ESR2: variants seen among roughly 807,000 people sequenced by gnomAD.
ESR2 encodes the protein estrogen receptor 2.
Under a neutral mutation model 49.6 loss-of-function variants are expected in ESR2, and 36 were observed. The ratio of observed to expected loss-of-function variants is 0.73; its 90% CI spans 0.56 to 0.96. The LOEUF (loss-of-function observed/expected upper bound fraction) is 0.96. Among genes scored for constraint, ESR2 ranks in the 40% least tolerant of loss-of-function variants. The probability of loss-of-function intolerance (pLI) is 0.00; values close to 1 mark genes in which losing one functional copy is unlikely to be tolerated. For missense variants in ESR2, 714 were observed against 693.0 expected (o/e 1.03, Z -0.34); for synonymous variants, 320 against 266.1 (o/e 1.20, Z -1.97).
intron 1 of ESR2, chr14:64,335,921 CA>C (rs1224138307): frequency 6.6e-6 from 1 of 151,218 alleles, no homozygotes; most frequent in Admixed American, 6.7e-5. Context: ...TCTCCTGCCT[CA>C]GCCTTCCAAG....
chr14:64,242,556 C>A (rs558825982), intron 7 of ESR2, among the ~76,000 whole-genome samples: 2 of 150,808 alleles, frequency 1.3e-5, no homozygotes, highest in South Asian at 4.2e-4. Context: ...CCCAAAAATT[C>A]TGCTTGTTCA....
At chr14:64,328,066 A>AG (rs2077411267) in intron 1 of ESR2, among the ~76,000 whole-genome samples, 2 of 150,350 alleles carry the variant, frequency 1.3e-5, no homozygotes, top group Non-Finnish European at 3.0e-5. Flanking sequence ...AAAAAAAAAA[A>AG]AAAAAATTAG....
rs1377906896 is a variant in ESR2, at chr14:64,228,510, C to T, written c.*4627G>A. 6.6e-6 allele frequency among the ~76,000 whole-genome samples: 1 copy of T among 152,082 alleles called. No individual in the cohort carries two copies. Among genetic ancestry groups the T allele is most frequent in the Non-Finnish European group, 1.5e-5 (1 of 68,024 alleles). ...CAAATGTAAAGCCTGCAAATGAAGT[C>T]AACAAATTAGTGTAATGATACAAAG... On this transcript the variant is annotated 3_prime_UTR_variant, in exon 9 of 9. Transcript: ENST00000341099.
At chr14:64,241,056 G>A (rs1037816919) in intron 7 of ESR2, among the ~76,000 whole-genome samples, 4 of 149,374 alleles carry the variant, frequency 2.7e-5, no homozygotes, top group African/African-American at 4.9e-5. Context: ...TGAGGCAGGA[G>A]AATGGCGTGA....
intron 1 of ESR2, among the ~76,000 whole-genome samples, chr14:64,285,826 CAAA>C (rs10559131): frequency 5.0e-4 from 50 of 100,790 alleles, no homozygotes; most frequent in Admixed American, 9.5e-4. Context: ...GACTCTGTCT[CAAA>C]AAAAAAAAAA....
intron 7 of ESR2, among the ~76,000 whole-genome samples, chr14:64,248,442 G>A (rs1368972460): frequency 7.0e-6 from 1 of 143,486 alleles, no homozygotes; most frequent in East Asian, 2.1e-4. Context: ...TCAGTACTAG[G>A]TTACAGTGAG....
chr14:64,230,067 C>T lies in ESR2; in HGVS notation c.*3070G>A, dbSNP rs115952301. On this transcript the variant is annotated 3_prime_UTR_variant, in exon 9 of 9. Coordinates refer to ENST00000341099, the MANE Select transcript of ESR2 (RefSeq NM_001437.3). Reference sequence around the variant, plus strand: ...GGTGGTGTGCACCCCAGCTACTCGGCGAGGGCGGGAATGGGGTGGGATGGG... The same window carrying T: ...GGTGGTGTGCACCCCAGCTACTCGGTGAGGGCGGGAATGGGGTGGGATGGG... Among the ~76,000 whole-genome samples the T allele has an allele frequency of 0.024, 3,636 of 151,032 alleles. 114 individuals are homozygous for T. Among genetic ancestry groups the T allele is most frequent in the East Asian group, 0.095 (480 of 5,054 alleles).
chr14:64,248,065 G>C (rs928350042), intron 7 of ESR2, among the ~76,000 whole-genome samples: 1 of 152,136 alleles, frequency 6.6e-6, no homozygotes, highest in African/African-American at 2.4e-5. Flanking sequence ...GTGGTGGCAG[G>C]TGCTTGTGGT....
At chr14:64,296,283 C>G (rs1567786898), upstream of ESR2, among the ~76,000 whole-genome samples, 1 of 152,202 alleles carries the variant, frequency 6.6e-6, no homozygotes, top group African/African-American at 2.4e-5. Flanking sequence ...ATTGACTCCA[C>G]TTTTCCAGTG....
At chr14:64,329,069 AAGAAATTTG>A (rs2077423250) in intron 1 of ESR2, among the ~76,000 whole-genome samples, 1 of 152,236 alleles carries the variant, frequency 6.6e-6, no homozygotes, top group African/African-American at 2.4e-5. Flanking sequence ...GAAGTAAATA[AAGAAATTTG>A]AGAAATTTGA....
At chr14:64,257,202 G>A (rs765433696) in intron 6 of ESR2, 24 bp downstream of exon 6, 1 of 1,610,770 alleles carries the variant, frequency 6.2e-7, no homozygotes, top group East Asian at 2.2e-5. Flanking sequence ...AGTCAGAGAA[G>A]AAACACAATG....
intron 1 of ESR2, among the ~76,000 whole-genome samples, chr14:64,310,118 C>T (rs1295661810): frequency 6.7e-6 from 1 of 150,202 alleles, no homozygotes; most frequent in Non-Finnish European, 1.5e-5. Context: ...ACTAAAAATA[C>T]AAAACTTAGC....
At chr14:64,237,974 C>G (rs766484365) in intron 7 of ESR2, among the ~76,000 whole-genome samples, 1 of 151,978 alleles carries the variant, frequency 6.6e-6, no homozygotes, top group Non-Finnish European at 1.5e-5. Flanking sequence ...GCACCACATA[C>G]CGTGAATAAA....
At position 64,313,926 on chromosome 14, in the gene ESR2, C is replaced by A. The variant is rs79390726; in HGVS notation, c.-91+23972G>T. Among the ~76,000 whole-genome samples the A allele has an allele frequency of 8.1e-3, 1,220 of 151,376 alleles. 23 individuals are homozygous for A. Among genetic ancestry groups the A allele is most frequent in the African/African-American group, 0.028 (1,164 of 41,252 alleles). ...GAAAGAAAGAAGAAAGAGAAAAATC[C>A]ACTATTGTTGGAGGATTCAGCTCCT... On this transcript the variant is annotated intron_variant, in intron 1 of 8. Transcript: ENST00000358599.
chr14:64,263,193 A>G (rs562045591), intron 4 of ESR2, among the ~76,000 whole-genome samples: 2 of 152,354 alleles, frequency 1.3e-5, no homozygotes, highest in South Asian at 4.1e-4. Context: ...ATATAGAAAA[A>G]CAAAGTAGAC....
At chr14:64,311,392 C>T (rs1266931070) in intron 1 of ESR2, among the ~76,000 whole-genome samples, 1 of 152,050 alleles carries the variant, frequency 6.6e-6, no homozygotes, top group Non-Finnish European at 1.5e-5. Flanking sequence ...GTAATCCCAG[C>T]ACTTTGGGAG....
At chr14:64,239,142 C>A (rs1239142250) in intron 7 of ESR2, among the ~76,000 whole-genome samples, 1 of 152,192 alleles carries the variant, frequency 6.6e-6, no homozygotes, top group Non-Finnish European at 1.5e-5. Context: ...ATGACCCACG[C>A]CCTCTGTCAC....
chr14:64,335,797 CTTTTTTTTTTTTT>C (rs771364589), intron 1 of ESR2: 3 of 109,064 alleles, frequency 2.8e-5, no homozygotes, highest in African/African-American at 7.3e-5. Context: ...TGATAAACAC[CTTTTTTTTTTTTT>C]TTTTTTTTTT....
intron 1 of ESR2, among the ~76,000 whole-genome samples, chr14:64,323,766 A>T (rs763051106): frequency 6.6e-6 from 1 of 152,166 alleles, no homozygotes; most frequent in Admixed American, 6.5e-5. Context: ...ATCTCAGCTC[A>T]CTGCAACCTC....
Sources: allele counts gnomAD v4.1 joint callset (sites outside exome capture counted in the v4.1 genomes callset), GRCh38; gene constraint gnomAD v4.1.1; transcripts MANE v1.5; gene names NCBI Gene and HGNC (gene_info 2026-07-23, HGNC 2026-07-21).